The following EIPR1 variants were observed in gnomAD, a reference collection of about 807,000 sequenced individuals.
EIPR1 encodes the protein EARP and GARP complex-interacting protein 1.
EIPR1 carries 25 observed loss-of-function variants against 48.1 expected under a neutral mutation model. That is an observed-to-expected ratio of 0.52 (90% CI 0.38 to 0.73). EIPR1 has a LOEUF of 0.73. Among genes scored for constraint, EIPR1 ranks in the 30% least tolerant of loss-of-function variants. The pLI, the probability that EIPR1 is intolerant of heterozygous loss-of-function variation, is 0.00. For missense variants in EIPR1, 415 were observed against 506.2 expected, an observed-to-expected ratio of 0.82 and a Z score of 1.73; for synonymous variants, 204 against 201.9, an observed-to-expected ratio of 1.01 and a Z score of -0.09.
chr2:3,285,754 C>A (rs112002224), intron 3 of EIPR1, among the ~76,000 whole-genome samples: 1 of 20,890 alleles, frequency 4.8e-5, no homozygotes, highest in Non-Finnish European at 8.8e-5. Context: ...GACCCTCGCA[C>A]GGAGCAGAAG....
chr2:3,321,471 G>A (rs1469485615), intron 3 of EIPR1, among the ~76,000 whole-genome samples: 4 of 152,062 alleles, frequency 2.6e-5, no homozygotes, highest in Admixed American at 2.0e-4. Context: ...CACCTCTCAC[G>A]TACTCCATTC....
chr2:3,371,065 G>A (rs528028160), intron 1 of EIPR1, among the ~76,000 whole-genome samples: 1 of 152,314 alleles, frequency 6.6e-6, no homozygotes, highest in East Asian at 1.9e-4. Context: ...CAAGCCAGGA[G>A]AGAGTAGGGG....
chr2:3,272,420 T>G (rs932603642), intron 3 of EIPR1, among the ~76,000 whole-genome samples: 1 of 152,218 alleles, frequency 6.6e-6, no homozygotes, highest in Admixed American at 6.5e-5. Context: ...CATTTCTAGC[T>G]TTTGATTTAA....
chr2:3,338,197 A>G, intron 2 of EIPR1, 48 bp from the exon 3 acceptor site: 1 of 1,594,736 alleles, frequency 6.3e-7, no homozygotes, highest in Non-Finnish European at 8.5e-7. Context: ...CACTTTCCTC[A>G]GTACCTTCAT....
At chr2:3,273,376 C>G (rs775598563) in intron 3 of EIPR1, among the ~76,000 whole-genome samples, 1 of 152,098 alleles carries the variant, frequency 6.6e-6, no homozygotes, top group African/African-American at 2.4e-5. Context: ...ACAGATAGAA[C>G]GGGAAAGTAA....
At chr2:3,314,000 G>A (rs111281928) in intron 3 of EIPR1, among the ~76,000 whole-genome samples, 3 of 152,186 alleles carry the variant, frequency 2.0e-5, no homozygotes, top group Non-Finnish European at 4.4e-5. Flanking sequence ...ACCCGGGGAG[G>A]GTGGCACTAG....
At chr2:3,233,484 C>A (rs1666305406) in intron 4 of EIPR1, among the ~76,000 whole-genome samples, 1 of 152,188 alleles carries the variant, frequency 6.6e-6, no homozygotes, top group African/African-American at 2.4e-5. Context: ...CCCAAATTGT[C>A]TTCCTAGAAT....
intron 1 of EIPR1, among the ~76,000 whole-genome samples, chr2:3,366,782 C>T (rs1361214182): frequency 5.3e-5 from 8 of 152,152 alleles, no homozygotes; most frequent in East Asian, 3.9e-4. Flanking sequence ...TGGCCGGGCG[C>T]GGTGGCTCAC....
intron 8 of EIPR1, 60 bp downstream of exon 8, chr2:3,192,354 T>C: frequency 1.3e-6 from 2 of 1,496,016 alleles, no homozygotes; most frequent in Non-Finnish European, 1.8e-6. Flanking sequence ...GCTCGGGAGA[T>C]GGCTGTGCAG....
intron 3 of EIPR1, among the ~76,000 whole-genome samples, chr2:3,336,650 C>T (rs981794709): frequency 6.6e-6 from 1 of 152,178 alleles, no homozygotes; most frequent in Admixed American, 6.5e-5. Flanking sequence ...CACCTGTAAT[C>T]CCAGCTACTC....
chr2:3,258,639 C>A (rs1240122423), intron 3 of EIPR1, among the ~76,000 whole-genome samples: 2 of 152,122 alleles, frequency 1.3e-5, no homozygotes. Context: ...ACTAATCGAC[C>A]AAGCAATATA....
At chr2:3,301,764 G>A (rs1365471826) in intron 3 of EIPR1, among the ~76,000 whole-genome samples, 2 of 152,216 alleles carry the variant, frequency 1.3e-5, no homozygotes, top group Non-Finnish European at 2.9e-5. Context: ...GTGACAAGTG[G>A]CAAGGGATGG....
rs373132653 is a variant in EIPR1, at chr2:3,351,158, A to C, written c.126+3392T>G. Among the ~76,000 whole-genome samples the C allele has an allele frequency of 4.7e-4, 71 of 152,034 alleles. No homozygotes were observed. The East Asian group carries it at 0.014, about 29-fold the overall frequency. ...TGGGATTACAGGTGCGTGCCACCAC[A>C]CCCAGCTAATTTTTGTATTTTTAGT... On this transcript the variant is annotated intron_variant, in intron 2 of 8. Coordinates refer to ENST00000382125, the MANE Select transcript of EIPR1 (RefSeq NM_003310.5).
In EIPR1 at chr2:3,321,058, A is replaced by C. The variant is rs534355220; in HGVS notation, c.259+16959T>G. On this transcript the variant is annotated intron_variant, in intron 3 of 8. Coordinates refer to ENST00000382125, the MANE Select transcript of EIPR1 (RefSeq NM_003310.5). ...GTGTTTTTATCTAACATATCTGAAC[A>C]GGGCAGGAGGCTCCACCTGAAGCAT... Among the ~76,000 whole-genome samples, 10 of 152,332 alleles carry C rather than the reference A, an allele frequency of 6.6e-5. No homozygotes were observed. The South Asian group carries it at 1.9e-3, about 28-fold the overall frequency.
Position 3,286,483 on chromosome 2 carries a change from C to T in EIPR1, c.260-29028G>A, listed in dbSNP as rs1016848885. ...GCATGTCCTGGGCACATGGGAAGACCGAGAGGTGAGGGACACTTGGTGTCC... is the reference window on the plus strand; with the variant it reads ...GCATGTCCTGGGCACATGGGAAGACTGAGAGGTGAGGGACACTTGGTGTCC... On this transcript the variant is annotated intron_variant, in intron 3 of 8. Transcript: ENST00000382125. This position sits in a 1 kb window ranked among gnomAD's most constrained non-coding sequence, Gnocchi z 4.2. Among the ~76,000 whole-genome samples the T allele has an allele frequency of 6.6e-6, 1 of 152,160 alleles. No individual in the cohort carries two copies. Among genetic ancestry groups the T allele is most frequent in the African/African-American group, 2.4e-5 (1 of 41,436 alleles).
chr2:3,197,119 G>A, intron 5 of EIPR1, 102 bp from the exon 6 acceptor site: 2 of 1,268,052 alleles, frequency 1.6e-6, no homozygotes, highest in Non-Finnish European at 2.2e-6. Context: ...GGATATTATT[G>A]AAAATAATTA....
At chr2:3,365,861 C>A (rs1239135698) in intron 1 of EIPR1, among the ~76,000 whole-genome samples, 1 of 151,976 alleles carries the variant, frequency 6.6e-6, no homozygotes, top group African/African-American at 2.4e-5. Flanking sequence ...AATGAAAAGT[C>A]TCCCATGTCT....
At chr2:3,326,793 GAAA>G (rs1444098143) in intron 3 of EIPR1, among the ~76,000 whole-genome samples, 1 of 152,018 alleles carries the variant, frequency 6.6e-6, no homozygotes, top group Non-Finnish European at 1.5e-5. Flanking sequence ...TTGTTCCCAA[GAAA>G]AATCCACTGT....
At chr2:3,355,304 T>C (rs1316975107) in intron 1 of EIPR1, among the ~76,000 whole-genome samples, 1 of 152,160 alleles carries the variant, frequency 6.6e-6, no homozygotes, top group East Asian at 1.9e-4. Context: ...TGTAAAGCAC[T>C]AACCCCACAG....
Sources: allele counts gnomAD v4.1 joint callset (sites outside exome capture counted in the v4.1 genomes callset), GRCh38; gene constraint gnomAD v4.1.1; non-coding constraint Gnocchi (gnomAD v3.1); transcripts MANE v1.5; gene names NCBI Gene and HGNC (gene_info 2026-07-23, HGNC 2026-07-21).